PLEKHA7: variants seen among roughly 807,000 people sequenced by gnomAD.
PLEKHA7 encodes pleckstrin homology domain-containing family A member 7.
Under a neutral mutation model 170.0 loss-of-function variants are expected in PLEKHA7, and 104 were observed. That is an observed-to-expected ratio of 0.61 (90% CI 0.52 to 0.72). The LOEUF (loss-of-function observed/expected upper bound fraction) is 0.72, where lower values mean the gene tolerates loss of function less well. Among genes scored for constraint, PLEKHA7 ranks in the 30% least tolerant of loss-of-function variants. The pLI, the probability that PLEKHA7 is intolerant of heterozygous loss-of-function variation, is 0.00. For synonymous variants in PLEKHA7, 648 were observed against 660.8 expected, an observed-to-expected ratio of 0.98 and a Z score of 0.30; for missense variants, 1,615 against 1,671.7, an observed-to-expected ratio of 0.97 and a Z score of 0.59.
intron 3 of PLEKHA7, among the ~76,000 whole-genome samples, chr11:16,937,404 C>A (rs975815663): frequency 6.6e-6 from 1 of 152,112 alleles, no homozygotes; most frequent in Non-Finnish European, 1.5e-5. Flanking sequence ...TGAGAATGTA[C>A]ATCTATGATA....
intron 4 of PLEKHA7, among the ~76,000 whole-genome samples, chr11:16,861,980 C>G (rs1037043638): frequency 6.6e-6 from 1 of 150,952 alleles, no homozygotes; most frequent in Non-Finnish European, 1.5e-5. Context: ...TTATCCCAAA[C>G]AGGCAGACAC....
chr11:16,906,111 G>A (rs1003617911), intron 3 of PLEKHA7, among the ~76,000 whole-genome samples: 5 of 152,088 alleles, frequency 3.3e-5, no homozygotes, highest in Non-Finnish European at 7.3e-5. Context: ...GACTGTTGTG[G>A]GCTGAACTGT....
chr11:16,833,011 C>T (rs1851234868), intron 9 of PLEKHA7, among the ~76,000 whole-genome samples: 2 of 152,192 alleles, frequency 1.3e-5, no homozygotes, highest in African/African-American at 4.8e-5. Context: ...GTGGAGCACC[C>T]TAAGGCAGGC....
intron 3 of PLEKHA7, among the ~76,000 whole-genome samples, chr11:16,982,821 AGAGAGAGAGAGG>A (rs994702687): frequency 1.4e-4 from 19 of 131,566 alleles, no homozygotes; most frequent in African/African-American, 4.8e-4. Context: ...AAAGAGAGAC[AGAGAGAGAGAGG>A]GAGAGAGAGA....
intron 3 of PLEKHA7, among the ~76,000 whole-genome samples, chr11:16,909,117 A>C (rs964025918): frequency 6.6e-6 from 1 of 152,196 alleles, no homozygotes; most frequent in African/African-American, 2.4e-5. Flanking sequence ...TGATACATGC[A>C]TTGTGCTGAA....
intron 3 of PLEKHA7, among the ~76,000 whole-genome samples, chr11:17,012,688 A>G (rs1865389208): frequency 6.6e-6 from 1 of 152,130 alleles, no homozygotes; most frequent in Admixed American, 6.6e-5. Context: ...TTTGTTCCCA[A>G]TGCCTAGAAC....
chr11:16,901,232 C>T (rs1470516925), intron 3 of PLEKHA7, among the ~76,000 whole-genome samples: 1 of 152,070 alleles, frequency 6.6e-6, no homozygotes, highest in Admixed American at 6.6e-5. Flanking sequence ...ATATATACTC[C>T]TTAGAGAAAA....
At chr11:16,822,997 A>T (rs1850362856) in intron 10 of PLEKHA7, among the ~76,000 whole-genome samples, 1 of 151,574 alleles carries the variant, frequency 6.6e-6, no homozygotes. Context: ...TTATTTATTT[A>T]TTTATTTATT....
intron 13 of PLEKHA7, among the ~76,000 whole-genome samples, chr11:16,810,247 G>A (rs538609464): frequency 9.9e-5 from 15 of 152,232 alleles, no homozygotes; most frequent in South Asian, 2.1e-4. Flanking sequence ...TCTGCAAGCC[G>A]TCAATACCTC....
intron 4 of PLEKHA7, among the ~76,000 whole-genome samples, chr11:16,859,439 C>G (rs1466446919): frequency 4.6e-5 from 7 of 152,182 alleles, no homozygotes; most frequent in Non-Finnish European, 2.9e-5. Flanking sequence ...GTCTCAAAAA[C>G]AATTTTCTCA....
At chr11:16,819,839 C>A (rs1338599227) in intron 10 of PLEKHA7, among the ~76,000 whole-genome samples, 1 of 152,114 alleles carries the variant, frequency 6.6e-6, no homozygotes, top group Non-Finnish European at 1.5e-5. Context: ...TCAAAGGATG[C>A]AAAGTTTCAG....
chr11:16,982,059 G>A (rs1863462620), intron 3 of PLEKHA7, among the ~76,000 whole-genome samples: 1 of 152,372 alleles, frequency 6.6e-6, no homozygotes, highest in African/African-American at 2.4e-5. Context: ...GCGTGAGGCA[G>A]GTCTGCCAGA....
chr11:16,805,789 C>CAAAAAAAAA (rs11339921), intron 13 of PLEKHA7, among the ~76,000 whole-genome samples: 5 of 111,220 alleles, frequency 4.5e-5, no homozygotes, highest in African/African-American at 1.8e-4. Flanking sequence ...GACTCCATGT[C>CAAAAAAAAA]AAAAAAAAAA....
chr11:17,004,085 A>T (rs1017538652), intron 3 of PLEKHA7, among the ~76,000 whole-genome samples: 5 of 152,208 alleles, frequency 3.3e-5, no homozygotes, highest in Admixed American at 2.0e-4. Flanking sequence ...AAAGCAATAA[A>T]CATGATGCAT....
intron 3 of PLEKHA7, among the ~76,000 whole-genome samples, chr11:16,984,741 G>A (rs1863629256): frequency 6.6e-6 from 1 of 152,158 alleles, no homozygotes; most frequent in Non-Finnish European, 1.5e-5. Flanking sequence ...CTCCATGAGG[G>A]CAGAGACCTT....
chr11:16,899,254 T>C (rs1857178031), intron 3 of PLEKHA7, among the ~76,000 whole-genome samples: 2 of 152,178 alleles, frequency 1.3e-5, no homozygotes, highest in Admixed American at 6.5e-5. Flanking sequence ...CCCAACACTT[T>C]GGGAGGCTGA....
At chr11:16,985,761 T>C (rs1258123272) in intron 3 of PLEKHA7, among the ~76,000 whole-genome samples, 1 of 152,198 alleles carries the variant, frequency 6.6e-6, no homozygotes, top group Non-Finnish European at 1.5e-5. Context: ...CAGAGAGACA[T>C]TACACAGACT....
At chr11:16,978,902 C>T (rs1359465068) in intron 3 of PLEKHA7, among the ~76,000 whole-genome samples, 5 of 152,180 alleles carry the variant, frequency 3.3e-5, no homozygotes, top group Non-Finnish European at 7.3e-5. Flanking sequence ...CCTTGTCTCC[C>T]ACGCCCACAC....
chr11:16,918,261 A>G (rs1858837295), intron 3 of PLEKHA7, among the ~76,000 whole-genome samples: 1 of 152,216 alleles, frequency 6.6e-6, no homozygotes, highest in Non-Finnish European at 1.5e-5. Flanking sequence ...AATTCTATCA[A>G]AATCAAGCCT....
Sources: allele counts gnomAD v4.1 joint callset (sites outside exome capture counted in the v4.1 genomes callset), GRCh38; gene constraint gnomAD v4.1.1; transcripts MANE v1.5; gene names NCBI Gene and HGNC (gene_info 2026-07-23, HGNC 2026-07-21).